The following CCDC73 variants were observed in gnomAD, a reference collection of about 807,000 sequenced individuals.
CCDC73 encodes the protein coiled-coil domain-containing protein 73.
CCDC73 carries 95 observed loss-of-function variants against 116.5 expected under a neutral mutation model. The ratio of observed to expected loss-of-function variants is 0.82; its 90% confidence interval spans 0.69 to 0.97. The LOEUF (loss-of-function observed/expected upper bound fraction) is 0.97, where lower values mean the gene tolerates loss of function less well. Among genes scored for constraint, CCDC73 ranks in the 50% least tolerant of loss-of-function variants. The probability of loss-of-function intolerance (pLI) is 0.00; values close to 1 mark genes in which losing one functional copy is unlikely to be tolerated. For synonymous variants in CCDC73, 398 were observed against 401.3 expected (o/e 0.99, Z 0.10); for missense variants, 1,066 against 1,206.8 (o/e 0.88, Z 1.73).
At chr11:32,830,428 T>G in the CCDC73 span, 1 of 1,150,118 alleles carries the variant, frequency 8.7e-7, no homozygotes, top group Non-Finnish European at 1.2e-6. Context: ...GTACAACAGG[T>G]TGGTGATTCA....
chr11:32,607,970 A>ATAT (rs1855377296), intron 17 of CCDC73, among the ~76,000 whole-genome samples: 1 of 152,166 alleles, frequency 6.6e-6, no homozygotes, highest in Non-Finnish European at 1.5e-5. Context: ...CATGAGACTT[A>ATAT]TTCACTATCA....
At chr11:32,738,879 C>T (rs1369751729) in intron 2 of CCDC73, among the ~76,000 whole-genome samples, 1 of 151,962 alleles carries the variant, frequency 6.6e-6, no homozygotes, top group Admixed American at 6.6e-5. Context: ...TTTTTGTATA[C>T]GGAAACATAG....
intron 2 of CCDC73, among the ~76,000 whole-genome samples, chr11:32,732,396 A>C (rs10767957): frequency 0.58 from 87,919 of 151,888 alleles, 25,573 homozygotes; most frequent in East Asian, 0.66. Context: ...GGCCAACATT[A>C]AAATTCAGGA....
intron 15 of CCDC73, among the ~76,000 whole-genome samples, chr11:32,615,235 G>A (rs1855463790): frequency 6.6e-6 from 1 of 151,910 alleles, no homozygotes; most frequent in South Asian, 2.1e-4. Flanking sequence ...ATTAAAAAAT[G>A]GTTTATTTTT....
chr11:32,757,719 G>A (rs198269), intron 2 of CCDC73, among the ~76,000 whole-genome samples: 151,088 of 152,292 alleles, frequency 0.99, 74,953 homozygotes, highest in Middle Eastern at 1. Context: ...ACATCTTCCA[G>A]TCGCTTTCTC....
chr11:32,726,543 T>C (rs906166636), intron 2 of CCDC73, among the ~76,000 whole-genome samples: 1 of 152,056 alleles, frequency 6.6e-6, no homozygotes, highest in African/African-American at 2.4e-5. Flanking sequence ...ACAGAAAAAT[T>C]AGTAATAATA....
chr11:32,773,946 T>A (rs1850511333), intron 1 of CCDC73, among the ~76,000 whole-genome samples: 1 of 152,146 alleles, frequency 6.6e-6, no homozygotes, highest in Non-Finnish European at 1.5e-5. Context: ...CAGAGAACTC[T>A]CCATTTTCTT....
At chr11:32,656,590 T>TA (rs1855875919) in intron 9 of CCDC73, among the ~76,000 whole-genome samples, 1 of 152,330 alleles carries the variant, frequency 6.6e-6, no homozygotes, top group East Asian at 1.9e-4. Flanking sequence ...GGGTGAGTGA[T>TA]ACCGCAGCAG....
intron 17 of CCDC73, among the ~76,000 whole-genome samples, chr11:32,607,274 AGT>A (rs1364521469): frequency 1.3e-5 from 2 of 148,612 alleles, no homozygotes; most frequent in Non-Finnish European, 3.0e-5. Context: ...TTGTATTTTT[AGT>A]AGAGACGGGG....
chr11:32,755,855 G>GTATATATATCTTCATATATATA (rs1181104991), intron 2 of CCDC73, among the ~76,000 whole-genome samples: 1 of 128,222 alleles, frequency 7.8e-6, no homozygotes, highest in African/African-American at 2.9e-5. Flanking sequence ...ATATATGTGT[G>GTATATATATCTTCATATATATA]TGTATATATC....
intron 2 of CCDC73, among the ~76,000 whole-genome samples, chr11:32,743,247 G>GT (rs1456746517): frequency 1.3e-5 from 2 of 152,164 alleles, no homozygotes; most frequent in African/African-American, 4.8e-5. Flanking sequence ...ACTTTGGGCA[G>GT]TAAGGCCATT....
chr11:32,638,167 C>G (rs1467549502), intron 13 of CCDC73, among the ~76,000 whole-genome samples: 2 of 152,296 alleles, frequency 1.3e-5, no homozygotes, highest in East Asian at 3.9e-4. Context: ...TGTCCTAATT[C>G]ACAGACTCAT....
intron 1 of CCDC73, among the ~76,000 whole-genome samples, chr11:32,769,870 T>G (rs1486262138): frequency 6.6e-6 from 1 of 152,206 alleles, no homozygotes. Flanking sequence ...TTACAATATG[T>G]AACTATTTTA....
At position 32,663,401 on chromosome 11, in the gene CCDC73, C is replaced by T. The variant is rs551767531; in HGVS notation, c.646-8429G>A. On this transcript the variant is annotated intron_variant, in intron 9 of 17. Coordinates refer to ENST00000335185, the MANE Select transcript of CCDC73 (RefSeq NM_001008391.4). ...ACTCCTTGAAGAGGTCCTTCACATC[C>T]CTTGTAAGTTGGATTCCTAGGTATT... Among the ~76,000 whole-genome samples, 378 of 152,216 alleles carry T rather than the reference C, an allele frequency of 2.5e-3. 2 individuals are homozygous for T. Among genetic ancestry groups the T allele is most frequent in the African/African-American group, 8.6e-3 (355 of 41,516 alleles).
intron 1 of CCDC73, 83 bp from the exon 2 acceptor site, chr11:32,760,341 C>G: frequency 1.3e-6 from 1 of 773,660 alleles, no homozygotes; most frequent in Non-Finnish European, 2.1e-6. Context: ...AATATAACAA[C>G]CTGTATCCCA....
chr11:32,794,040 A>C (rs1041719521), intron 1 of CCDC73, among the ~76,000 whole-genome samples: 4 of 152,168 alleles, frequency 2.6e-5, no homozygotes, highest in Non-Finnish European at 5.9e-5. Flanking sequence ...AGAATGAAGA[A>C]AAAATAGAGA....
At chr11:32,755,981 A>C (rs1374895683) in intron 2 of CCDC73, among the ~76,000 whole-genome samples, 1 of 5,474 alleles carries the variant, frequency 1.8e-4, no homozygotes, top group Non-Finnish European at 2.7e-4. Flanking sequence ...ATATATATCT[A>C]TATATATATC....
intron 2 of CCDC73, among the ~76,000 whole-genome samples, chr11:32,732,105 G>A (rs1185121753): frequency 6.6e-6 from 1 of 152,202 alleles, no homozygotes; most frequent in Non-Finnish European, 1.5e-5. Context: ...CATGGCACAA[G>A]AACTATGTGA....
chr11:32,710,129 CT>C (rs1849886592), intron 3 of CCDC73, among the ~76,000 whole-genome samples: 2 of 152,076 alleles, frequency 1.3e-5, no homozygotes, highest in African/African-American at 4.8e-5. Context: ...TTTTATTTAT[CT>C]TTCCAAAGAA....
Sources: allele counts gnomAD v4.1 joint callset (sites outside exome capture counted in the v4.1 genomes callset), GRCh38; gene constraint gnomAD v4.1.1; transcripts MANE v1.5; gene names NCBI Gene and HGNC (gene_info 2026-07-23, HGNC 2026-07-21).